LSAMP: variants seen among roughly 807,000 people sequenced by gnomAD.
The protein encoded by LSAMP is limbic system associated membrane protein, also known as limbic system-associated membrane protein.
In LSAMP, 7 loss-of-function variants were observed where a neutral mutation model predicts 38.6. The ratio of observed to expected loss-of-function variants is 0.18; its 90% confidence interval spans 0.10 to 0.34. The LOEUF (loss-of-function observed/expected upper bound fraction) is 0.34. Among genes scored for constraint, LSAMP ranks in the 10% least tolerant of loss-of-function variants. The probability of loss-of-function intolerance (pLI) is 1.00; values close to 1 mark genes in which losing one functional copy is unlikely to be tolerated. For synonymous variants in LSAMP, 154 were observed against 166.8 expected (o/e 0.92, Z 0.59); for missense variants, 313 against 420.0 (o/e 0.75, Z 2.23).
chr3:116,398,252 T>C (rs2048794724), intron 1 of LSAMP, among the ~76,000 whole-genome samples: 1 of 152,168 alleles, frequency 6.6e-6, no homozygotes, highest in Admixed American at 6.5e-5. Flanking sequence ...CTTAGTTAGA[T>C]AATAATATCT....
rs528166162 is a variant in LSAMP, at chr3:116,193,549, A to T, written c.156-106993T>A. 3.3e-5 allele frequency among the ~76,000 whole-genome samples: 5 copies of T among 152,340 alleles called. No homozygotes were observed. In the South Asian group the frequency reaches 1.0e-3, roughly 32 times the overall value. On this transcript the variant is annotated intron_variant, in intron 1 of 6. Coordinates refer to ENST00000490035, the MANE Select transcript of LSAMP (RefSeq NM_002338.5). ...TTGTAAAAACAGCAACAACAACAAAAAAAGTATATTTACAAACAAACAAAA... is the reference window on the plus strand; with the variant it reads ...TTGTAAAAACAGCAACAACAACAAATAAAGTATATTTACAAACAAACAAAA...
chr3:115,808,836 C>T lies in LSAMP; in HGVS notation c.*1481G>A, dbSNP rs904172375. The T allele has an allele frequency of 1.3e-5, 2 of 152,332 alleles. No homozygotes were observed. Among genetic ancestry groups the T allele is most frequent in the African/African-American group, 4.8e-5 (2 of 41,582 alleles). The allele number at this position is 152,332 out of a possible 1,614,324, so 9.4% of individuals were successfully genotyped here. A position where few individuals can be genotyped will look rare whatever the true frequency, so the allele number is the denominator to read the frequency against. ...CCAGTGCTCTGTATTAGAGCTCTGA[C>T]AGTATCTCCAGAATACAGTAGGAGC... On this transcript the variant is annotated 3_prime_UTR_variant, in exon 7 of 7. Transcript: ENST00000490035.
intron 1 of LSAMP, among the ~76,000 whole-genome samples, chr3:116,297,770 A>G (rs995822431): frequency 3.3e-5 from 5 of 152,242 alleles, no homozygotes; most frequent in African/African-American, 1.2e-4. Flanking sequence ...TGTAATAAAA[A>G]TAAAATAGGT....
In LSAMP at chr3:115,960,906, C is replaced by G. The variant is rs187534816; in HGVS notation, c.514+58609G>C. The stretch of plus-strand genomic sequence containing the variant: ...GAAACAGCTATCAAAGAAAGCTCCC[C>G]CATTAGCTGTCAGTTCACAGCAACT... On this transcript the variant is annotated intron_variant, in intron 3 of 6. Transcript: ENST00000490035. Among the ~76,000 whole-genome samples, 11 of 152,302 alleles carry G rather than the reference C, an allele frequency of 7.2e-5. No homozygotes were observed. The East Asian group carries it at 1.9e-3, about 27-fold the overall frequency.
At chr3:116,124,212 G>A (rs1708954844) in intron 1 of LSAMP, among the ~76,000 whole-genome samples, 1 of 152,092 alleles carries the variant, frequency 6.6e-6, no homozygotes, top group Admixed American at 6.5e-5. Context: ...TTGAGTTGTG[G>A]ATGGCCCACA....
intron 2 of LSAMP, among the ~76,000 whole-genome samples, chr3:116,046,975 A>G (rs1429479341): frequency 6.6e-6 from 1 of 152,202 alleles, no homozygotes; most frequent in Non-Finnish European, 1.5e-5. Context: ...AGTTTTTCAA[A>G]TCATCTCCCG....
rs554381491 is a variant in LSAMP at position 116,264,909 on chromosome 3, C to T, written c.156-178353G>A. Among the ~76,000 whole-genome samples the T allele has an allele frequency of 2.0e-5, 3 of 152,256 alleles. No homozygotes were observed. The South Asian group carries it at 6.2e-4, about 32-fold the overall frequency. On this transcript the variant is annotated intron_variant, in intron 1 of 6. Coordinates refer to ENST00000490035, the MANE Select transcript of LSAMP (RefSeq NM_002338.5). ...AAAAAGAGTTTTCATAGAGTTCTGC[C>T]TAATCTCTAGCAGCACCTTCCTTCC...
intron 4 of LSAMP, among the ~76,000 whole-genome samples, chr3:115,844,900 C>G: frequency 6.6e-6 from 1 of 152,080 alleles, no homozygotes. Flanking sequence ...TTGCCTGAAC[C>G]CAGGAGATGG....
intron 6 of LSAMP, chr3:115,814,120 T>C (rs1426323669): frequency 6.6e-6 from 1 of 152,204 alleles, no homozygotes; most frequent in Non-Finnish European, 1.5e-5. Flanking sequence ...CTAATCCAAA[T>C]GCAGAAGTTT....
At chr3:116,187,754 T>C (rs1457888493) in intron 1 of LSAMP, among the ~76,000 whole-genome samples, 1 of 152,178 alleles carries the variant, frequency 6.6e-6, no homozygotes, top group Non-Finnish European at 1.5e-5. Context: ...ATTTATTTTA[T>C]ATAGTTACAG....
intron 1 of LSAMP, among the ~76,000 whole-genome samples, chr3:116,182,618 T>C (rs1015843440): frequency 6.6e-6 from 1 of 151,690 alleles, no homozygotes; most frequent in Non-Finnish European, 1.5e-5. Context: ...GAAGACTGTC[T>C]AGAGAAAATC....
intron 1 of LSAMP, among the ~76,000 whole-genome samples, chr3:116,334,094 T>C (rs1444719067): frequency 1.3e-5 from 2 of 151,768 alleles, no homozygotes; most frequent in African/African-American, 4.8e-5. Flanking sequence ...ATAAAAAAAA[T>C]TAGAAGTCAA....
chr3:116,338,545 T>C (rs1016609682), intron 1 of LSAMP, among the ~76,000 whole-genome samples: 2 of 151,984 alleles, frequency 1.3e-5, no homozygotes, highest in African/African-American at 4.8e-5. Flanking sequence ...AGAAGCATCT[T>C]TATTCTTTTA....
intron 1 of LSAMP, among the ~76,000 whole-genome samples, chr3:116,086,889 A>AT: frequency 6.6e-6 from 1 of 152,176 alleles, no homozygotes. Flanking sequence ...TGTTTAAGTA[A>AT]TTTTGAGAAT....
At chr3:116,139,821 A>G (rs1709331976) in intron 1 of LSAMP, among the ~76,000 whole-genome samples, 1 of 151,982 alleles carries the variant, frequency 6.6e-6, no homozygotes, top group Admixed American at 6.6e-5. Flanking sequence ...CAGGCACTCT[A>G]TGACTCATTT....
intron 1 of LSAMP, among the ~76,000 whole-genome samples, chr3:116,204,515 T>C (rs1449472982): frequency 6.6e-6 from 1 of 150,936 alleles, no homozygotes; most frequent in Non-Finnish European, 1.5e-5. Context: ...GGTTTTCTTC[T>C]AGGGTTTTTA....
intron 3 of LSAMP, among the ~76,000 whole-genome samples, chr3:115,993,624 C>T (rs1161861613): frequency 6.6e-6 from 1 of 151,910 alleles, no homozygotes; most frequent in Admixed American, 6.6e-5. Flanking sequence ...ACAGACTTTG[C>T]TTATTATTAT....
intron 3 of LSAMP, among the ~76,000 whole-genome samples, chr3:115,984,076 G>GA (rs11456243): frequency 0.37 from 55,892 of 150,854 alleles, 10,380 homozygotes; most frequent in Admixed American, 0.4. Flanking sequence ...TACCAAGTTG[G>GA]AAAAAAAAAT....
At chr3:116,082,047 A>T (rs1360731189) in intron 2 of LSAMP, among the ~76,000 whole-genome samples, 20 of 152,228 alleles carry the variant, frequency 1.3e-4, no homozygotes, top group Admixed American at 1.2e-3. Flanking sequence ...TGAATGGGAT[A>T]TTTAAAAATA....
Sources: gnomAD v4.1 joint callset for allele counts (sites outside exome capture counted in the v4.1 genomes callset) on GRCh38, gnomAD v4.1.1 for gene constraint, MANE v1.5 for transcripts, NCBI Gene and HGNC (gene_info 2026-07-23, HGNC 2026-07-21) for gene names.